The following ARL15 variants were observed in gnomAD, a reference collection of about 807,000 sequenced individuals.
ARL15 encodes ARF like GTPase 15, also known as ADP-ribosylation factor-like protein 15.
In ARL15, 19 loss-of-function variants were observed where a neutral mutation model predicts 25.2. That is an observed-to-expected ratio of 0.75 (90% CI 0.53 to 1.10). ARL15 has a LOEUF of 1.10. ARL15 is among the 50% of genes least tolerant of loss of function. The pLI, the probability that ARL15 is intolerant of heterozygous loss-of-function variation, is 0.00. For missense variants in ARL15, 220 were observed against 246.0 expected, an observed-to-expected ratio of 0.89 and a Z score of 0.71; for synonymous variants, 94 against 86.8, an observed-to-expected ratio of 1.08 and a Z score of -0.46.
chr5:54,227,606 C>T (rs938350089), intron 1 of ARL15, among the ~76,000 whole-genome samples: 4 of 152,178 alleles, frequency 2.6e-5, no homozygotes, highest in Admixed American at 6.5e-5. Flanking sequence ...CAGGAGACAG[C>T]GCAGTTCAGA....
intron 1 of ARL15, among the ~76,000 whole-genome samples, chr5:54,286,960 C>G (rs983508044): frequency 6.6e-6 from 1 of 151,626 alleles, no homozygotes; most frequent in Admixed American, 6.6e-5. Flanking sequence ...CCTGGACCTC[C>G]TGTCCAGGAT....
chr5:54,283,628 T>C (rs966602635), intron 1 of ARL15, among the ~76,000 whole-genome samples: 5 of 152,220 alleles, frequency 3.3e-5, no homozygotes, highest in African/African-American at 7.2e-5. Flanking sequence ...AGAACGCTCA[T>C]TGCCTTGTCC....
intron 4 of ARL15, among the ~76,000 whole-genome samples, chr5:53,971,188 T>A (rs997469179): frequency 6.6e-6 from 1 of 152,190 alleles, no homozygotes. Context: ...TTTTAAATTA[T>A]AACATTGAAC....
chr5:54,050,949 T>A (rs770029956), intron 4 of ARL15, among the ~76,000 whole-genome samples: 3 of 152,166 alleles, frequency 2.0e-5, no homozygotes, highest in Non-Finnish European at 4.4e-5. Context: ...TTTTAAACTA[T>A]AAAGTAATTT....
intron 1 of ARL15, among the ~76,000 whole-genome samples, chr5:54,304,821 A>C (rs1286654084): frequency 6.6e-6 from 1 of 152,190 alleles, no homozygotes; most frequent in Admixed American, 6.5e-5. Context: ...ATAGATATTC[A>C]GGGTTAAAAA....
chr5:54,015,292 CAAA>C (rs112278417), intron 4 of ARL15, among the ~76,000 whole-genome samples: 3 of 138,254 alleles, frequency 2.2e-5, no homozygotes, highest in Admixed American at 1.4e-4. Context: ...AACTCCATCT[CAAA>C]AAAAAAAAAA....
intron 4 of ARL15, among the ~76,000 whole-genome samples, chr5:54,012,345 T>TA (rs1456081313): frequency 6.6e-6 from 1 of 152,144 alleles, no homozygotes; most frequent in Admixed American, 6.5e-5. Context: ...TCCATGCTTG[T>TA]ATGCATCCCA....
At chr5:54,271,438 G>A (rs561726936) in intron 1 of ARL15, among the ~76,000 whole-genome samples, 3 of 152,212 alleles carry the variant, frequency 2.0e-5, no homozygotes, top group Non-Finnish European at 2.9e-5. Context: ...ATAACTTAGA[G>A]TATCTGATAC....
At chr5:54,295,832 A>G (rs1241772254) in intron 1 of ARL15, among the ~76,000 whole-genome samples, 2 of 152,198 alleles carry the variant, frequency 1.3e-5, no homozygotes, top group Non-Finnish European at 2.9e-5. Context: ...CTCTCAGGAA[A>G]CATTCATACA....
chr5:53,915,870 T>C (rs1159414235), intron 4 of ARL15, among the ~76,000 whole-genome samples: 3 of 152,178 alleles, frequency 2.0e-5, no homozygotes, highest in Non-Finnish European at 4.4e-5. Flanking sequence ...ATTTGTCAGG[T>C]GACTTTAAGT....
chr5:54,022,249 A>G (rs572593550), intron 4 of ARL15, among the ~76,000 whole-genome samples: 6 of 152,206 alleles, frequency 3.9e-5, no homozygotes, highest in African/African-American at 1.4e-4. Context: ...ATTGGGGCTC[A>G]GGAAACAATG....
intron 1 of ARL15, among the ~76,000 whole-genome samples, chr5:54,209,412 T>A (rs1755971365): frequency 6.6e-6 from 1 of 151,822 alleles, no homozygotes. Context: ...AGAGAGGGCA[T>A]TTGAAGGGAG....
chr5:54,310,543 C>T lies in ARL15; in HGVS notation c.-64G>A, dbSNP rs529657593. ...AAAAAAAAAGCAGCGTCTCTGGCTGCGAGCGAGCAGCTCCTGAAAAAGCCA... is the reference window on the plus strand; with the variant it reads ...AAAAAAAAAGCAGCGTCTCTGGCTGTGAGCGAGCAGCTCCTGAAAAAGCCA... On this transcript the variant is annotated 5_prime_UTR_variant, in exon 1 of 5. Coordinates refer to ENST00000504924, the MANE Select transcript of ARL15 (RefSeq NM_019087.3). 38 of 1,531,028 alleles carry T rather than the reference C, an allele frequency of 2.5e-5. No individual in the cohort carries two copies. The East Asian group carries it at 9.2e-4, about 37-fold the overall frequency. 94.8% of individuals were successfully genotyped at this position (1,531,028 alleles called of 1,614,324 possible). A position where few individuals can be genotyped will look rare whatever the true frequency, so the allele number is the denominator to read the frequency against.
chr5:54,297,106 C>G (rs1177650538), intron 1 of ARL15, among the ~76,000 whole-genome samples: 1 of 152,230 alleles, frequency 6.6e-6, no homozygotes, highest in East Asian at 1.9e-4. Flanking sequence ...GATTACTAAA[C>G]TCACAGCTCA....
chr5:54,213,903 C>T (rs1235884766), intron 1 of ARL15, among the ~76,000 whole-genome samples: 1 of 152,158 alleles, frequency 6.6e-6, no homozygotes, highest in Admixed American at 6.5e-5. Context: ...AAAATGTAAT[C>T]TTTTGAGATT....
chr5:54,229,468 G>A (rs370226709), intron 1 of ARL15, among the ~76,000 whole-genome samples: 2 of 152,114 alleles, frequency 1.3e-5, no homozygotes, highest in East Asian at 3.9e-4. Flanking sequence ...AGAATTTGCT[G>A]TAGTGGAGTA....
chr5:54,023,981 C>A (rs1194442829), intron 4 of ARL15, among the ~76,000 whole-genome samples: 1 of 152,226 alleles, frequency 6.6e-6, no homozygotes, highest in African/African-American at 2.4e-5. Flanking sequence ...ATCATCCCTA[C>A]TTCCCCATCA....
rs2112401056 is a variant in ARL15, at chr5:54,171,781, C to A, written c.193+3G>T. ...AGGGACAGAACCCCAGCACAGTACC[C>A]ACCTGTGGTCGACACGACGTTATCG... is the stretch of plus-strand genomic sequence containing the variant. On this transcript the variant is annotated splice_donor_region_variant and intron_variant, in intron 2 of 4. Transcript: ENST00000504924. 1.2e-6 allele frequency: 2 copies of A among 1,610,958 alleles called. No individual in the cohort carries two copies. Among genetic ancestry groups the A allele is most frequent in the East Asian group, 4.5e-5 (2 of 44,732 alleles).
intron 4 of ARL15, among the ~76,000 whole-genome samples, chr5:53,945,646 G>A (rs1746701257): frequency 6.6e-6 from 1 of 152,046 alleles, no homozygotes; most frequent in South Asian, 2.1e-4. Flanking sequence ...AAATTCCAAA[G>A]CACCTGAAAA....
Sources: allele counts gnomAD v4.1 joint callset (sites outside exome capture counted in the v4.1 genomes callset), GRCh38; gene constraint gnomAD v4.1.1; transcripts MANE v1.5; gene names NCBI Gene and HGNC (gene_info 2026-07-23, HGNC 2026-07-21).